The following WIZ variants were observed in gnomAD, a reference collection of about 807,000 sequenced individuals.
WIZ encodes the protein protein Wiz.
WIZ carries 25 observed loss-of-function variants against 140.2 expected under a neutral mutation model. The ratio of observed to expected loss-of-function variants is 0.18; its 90% CI spans 0.13 to 0.25. WIZ has a LOEUF of 0.25. Among genes scored for constraint, WIZ ranks in the 10% least tolerant of loss-of-function variants. The pLI, the probability that WIZ is intolerant of heterozygous loss-of-function variation, is 1.00. For missense variants in WIZ, 2,231 were observed against 2,632.6 expected (o/e 0.85, Z 3.34); for synonymous variants, 1,125 against 1,154.3 (o/e 0.97, Z 0.51).
rs202182536 is a variant in WIZ, at chr19:15,425,620, T to C, written c.4515A>G (p.Thr1505=). 2.2e-4 allele frequency: 360 copies of C among 1,613,424 alleles called. No homozygotes were observed. The African/African-American group carries it at 4.5e-3, about 20-fold the overall frequency. The change falls in exon 10 of 13, where the codon ACA becomes ACG. Residue 1505 remains threonine, a synonymous_variant. Coordinates refer to ENST00000673675, the MANE Select transcript of WIZ (RefSeq NM_001371589.1). ...ACTTCTTCTTGAGGATCTCTCGCAG[T>C]GTGTCGATGGGCGAACCATTGACGG... ...EWSVNGSPID[T]LREILKKKSK...
chr19:15,439,681 C>T lies in WIZ; in HGVS notation c.1313G>A (p.Gly438Asp). The change falls in exon 4 of 13, where the codon GGC becomes GAC. Residue 438 changes from glycine (G) to aspartate (D), a missense_variant. Physicochemically the swap from Gly to Asp is moderately conservative, Grantham distance 94. Coordinates refer to ENST00000673675, the MANE Select transcript of WIZ (RefSeq NM_001371589.1). This position sits in a 1 kb window ranked among gnomAD's most constrained non-coding sequence, Gnocchi z 7.0. ...GCTGGGGCTGCCAGCCCCGCTGCTG[C>T]CTCCAAAAGGCTCTTTGGTGGTCTG... ...PGQTTKEPFG[G>D]SSGAGSPSPE... 1 of 1,502,038 alleles carries T rather than the reference C, an allele frequency of 6.7e-7. No homozygotes were observed. Among genetic ancestry groups the T allele is most frequent in the Admixed American group, 2.3e-5 (1 of 43,794 alleles). 93.0% of individuals were successfully genotyped at this position (1,502,038 alleles called of 1,614,324 possible).
chr19:15,442,850 G>A lies in WIZ; in HGVS notation c.206-102C>T, dbSNP rs1969792118. ...CTGCCAGGTGCCTCAGAAAGGCCCT[G>A]CTGGCTCCCAGTTCCTCTCCCTGAG... On this transcript the variant is annotated intron_variant, in intron 2 of 12. Coordinates refer to ENST00000673675, the MANE Select transcript of WIZ (RefSeq NM_001371589.1). The surrounding 1 kb of genome is among the most constrained non-coding windows in gnomAD (Gnocchi z 5.5). The A allele has an allele frequency of 1.6e-5, 10 of 640,838 alleles. No homozygotes were observed. The South Asian group carries it at 4.0e-4, about 25-fold the overall frequency. 39.7% of individuals were successfully genotyped at this position (640,838 alleles called of 1,614,324 possible).
At position 15,424,932 on chromosome 19, in the gene WIZ, C is replaced by T. The variant is rs1388939971; in HGVS notation, c.4995G>A (p.Glu1665=). The T allele has an allele frequency of 1.6e-5, 25 of 1,610,568 alleles. No homozygotes were observed. Among genetic ancestry groups the T allele is most frequent in the Non-Finnish European group, 2.0e-5 (24 of 1,179,120 alleles). ...CGATGGGCGAGCCATTGACGCACCA[C>T]TCGGTCACGCCGAACTGCCGCAGGT... ...RAHLRQFGVT[E]WCVNGSPIET... is the part of the protein sequence containing the mutation. Residue 1665 remains glutamate (E), a synonymous_variant, in exon 11 of 13, where the codon GAG becomes GAA. Transcript: ENST00000673675. This position sits in a 1 kb window ranked among gnomAD's most constrained non-coding sequence, Gnocchi z 9.7.
Position 15,428,587 on chromosome 19 carries a change from G to A in WIZ, c.3416-79C>T, listed in dbSNP as rs1334606351. On this transcript the variant is annotated intron_variant, in intron 7 of 12. Coordinates refer to ENST00000673675, the MANE Select transcript of WIZ (RefSeq NM_001371589.1). The surrounding 1 kb of genome is among the most constrained non-coding windows in gnomAD (Gnocchi z 6.4). ...GGGGCCTGAGGTAGGAGGGTCTGGT[G>A]TGATTTTTGGCTGCTCAGGCAGTTG... 1.3e-6 allele frequency: 2 copies of A among 1,521,662 alleles called. No individual in the cohort carries two copies. Among genetic ancestry groups the A allele is most frequent in the African/African-American group, 2.8e-5 (2 of 72,592 alleles). 94.3% of individuals were successfully genotyped at this position (1,521,662 alleles called of 1,614,324 possible).
In WIZ at chr19:15,431,186, T is replaced by TG. The variant is rs1317409838; in HGVS notation, c.2741-5dup. The TG allele has an allele frequency of 3.1e-5, 47 of 1,511,892 alleles. No individual in the cohort carries two copies. The highest frequency in any genetic ancestry group is 4.2e-5 in the Non-Finnish European group (47 of 1,131,650). 93.7% of individuals were successfully genotyped at this position (1,511,892 alleles called of 1,614,324 possible). Reference sequence around the variant, plus strand: ...GCGTTTTCCTCAGAACCCAGGCCTGTGGGTTGGGGAGACAGGCTCAGCCCA... The same window carrying TG: ...GCGTTTTCCTCAGAACCCAGGCCTGTGGGGTTGGGGAGACAGGCTCAGCCCA... On this transcript the variant is annotated splice_region_variant and splice_polypyrimidine_tract_variant and intron_variant, in intron 5 of 12. Coordinates refer to ENST00000673675, the MANE Select transcript of WIZ (RefSeq NM_001371589.1).
rs935495287 is a variant in WIZ at position 15,420,068 on chromosome 19, A to C, written c.*3008T>G. On this transcript the variant is annotated 3_prime_UTR_variant, in exon 13 of 13. Coordinates refer to ENST00000673675, the MANE Select transcript of WIZ (RefSeq NM_001371589.1). ...ATAGTGGCATTTACAACGTTGAGAG[A>C]AACATACTGAAATACTAAGAAGTTA... 8 of 152,224 alleles carry C rather than the reference A, an allele frequency of 5.3e-5. No individual in the cohort carries two copies. Among genetic ancestry groups the C allele is most frequent in the Non-Finnish European group, 1.0e-4 (7 of 68,044 alleles). The allele number at this position is 152,224 out of a possible 1,614,324, so 9.4% of individuals were successfully genotyped here. A position where few individuals can be genotyped will look rare whatever the true frequency, so the allele number is the denominator to read the frequency against.
At position 15,420,454 on chromosome 19, in the gene WIZ, T is replaced by C. The variant is rs1968326997; in HGVS notation, c.*2622A>G. On this transcript the variant is annotated 3_prime_UTR_variant, in exon 13 of 13. Coordinates refer to ENST00000673675, the MANE Select transcript of WIZ (RefSeq NM_001371589.1). ...CCCATCAGCCTCAGGGATGCCTGCC[T>C]GTCTTCCAAACCAAGGCAGGGCCCC... 1 of 152,212 alleles carries C rather than the reference T, an allele frequency of 6.6e-6. No individual in the cohort carries two copies. Among genetic ancestry groups the C allele is most frequent in the Non-Finnish European group, 1.5e-5 (1 of 68,028 alleles). The allele number at this position is 152,212 out of a possible 1,614,324, so 9.4% of individuals were successfully genotyped here.
At chr19:15,423,415 A>G (rs544133702) in intron 12 of WIZ, among the ~76,000 whole-genome samples, 180 bp from the exon 13 acceptor site, 1 of 152,218 alleles carries the variant, frequency 6.6e-6, no homozygotes, top group East Asian at 1.9e-4. Context: ...TCCACTCACC[A>G]TGGGGTCATG....
chr19:15,429,510 C>T, intron 7 of WIZ, 76 bp downstream of exon 7: 1 of 1,286,330 alleles, frequency 7.8e-7, no homozygotes, highest in South Asian at 2.6e-5. Context: ...GGCCCTGTCC[C>T]TGGGCTACAG....
intron 4 of WIZ, 101 bp from the exon 5 acceptor site, chr19:15,437,230 C>G: frequency 8.5e-7 from 1 of 1,173,186 alleles, no homozygotes. Flanking sequence ...GCCTTTCTTC[C>G]CCGTGGCTGT....
Position 15,428,828 on chromosome 19 carries a change from G to A in WIZ, c.3416-320C>T, listed in dbSNP as rs751493311. 5.3e-5 allele frequency among the ~76,000 whole-genome samples: 8 copies of A among 152,138 alleles called. No individual in the cohort carries two copies. The highest frequency in any genetic ancestry group is 8.8e-5 in the Non-Finnish European group (6 of 68,014). On this transcript the variant is annotated intron_variant, in intron 7 of 12. Transcript: ENST00000673675. This position sits in a 1 kb window ranked among gnomAD's most constrained non-coding sequence, Gnocchi z 6.4. ...ATTTGGGGGCGATGGTGGCTGCTGG[G>A]CTCACGCAGCCAAGGGCACACCTGC...
rs751982827 is a variant in WIZ at position 15,427,288 on chromosome 19, C to T, written c.4060G>A (p.Gly1354Ser). ...TCCAGTGAGCTGCCAGGACCTGCGC[C>T]GCCCATCATCTTGGCCAGGGCTTTT... ...SPKALAKMMG[G>S]AGPGSSLEAR... is the part of the protein sequence containing the mutation. The change falls in exon 9 of 13, where the codon GGC (glycine) becomes AGC (serine). Residue 1354 changes from glycine (G) to serine (S), a missense_variant. Gly to Ser is a moderately conservative substitution (Grantham distance 56). Around this residue, in one of 15 missense-constraint regions of WIZ, gnomAD observed 393 missense variants for 451.7 expected, o/e 0.87. Coordinates refer to ENST00000673675, the MANE Select transcript of WIZ (RefSeq NM_001371589.1). The surrounding 1 kb of genome is among the most constrained non-coding windows in gnomAD (Gnocchi z 6.4). The T allele has an allele frequency of 2.5e-5, 41 of 1,613,526 alleles. No individual in the cohort carries two copies. The highest frequency in any genetic ancestry group is 1.7e-4 in the Middle Eastern group (1 of 5,928).
intron 5 of WIZ, among the ~76,000 whole-genome samples, chr19:15,432,151 CCGCACCGGA>C (rs1483908242): frequency 5.3e-5 from 8 of 152,192 alleles, no homozygotes; most frequent in Non-Finnish European, 7.4e-5. Context: ...AAGTGAGTTT[CCGCACCGGA>C]CGGACCGGAA....
In WIZ at chr19:15,424,745, C is replaced by T. The variant is rs760221805; in HGVS notation, c.5182G>A (p.Val1728Met). 1.2e-5 allele frequency: 19 copies of T among 1,569,906 alleles called. No homozygotes were observed. The highest frequency in any genetic ancestry group is 4.1e-5 in the African/African-American group (3 of 74,020). The change falls in exon 11 of 13, where the codon GTG becomes ATG. Residue 1728 changes from valine to methionine, a missense_variant. Transcript: ENST00000673675. The surrounding 1 kb of genome is among the most constrained non-coding windows in gnomAD (Gnocchi z 9.7). ...SLGLAPGGLA[V>M]VGRSAGGEPG... Reference sequence around the variant, plus strand: ...TCCCCTCCGGCACTGCGGCCGACCACGGCCAGGCCCCCGGGTGCCAGCCCC... The same window carrying T: ...TCCCCTCCGGCACTGCGGCCGACCATGGCCAGGCCCCCGGGTGCCAGCCCC...
chr19:15,438,849 G>C lies in WIZ; in HGVS notation c.2145C>G (p.His715Gln). ...QPEELGLAGA[H>Q]PLDFLLLDAP... is the part of the protein sequence containing the mutation. ...CGTCCAGGAGCAGGAAGTCCAGGGGGTGGGCGCCTGCCAGCCCCAGCTCCT... is the reference window on the plus strand; with the variant it reads ...CGTCCAGGAGCAGGAAGTCCAGGGGCTGGGCGCCTGCCAGCCCCAGCTCCT... Residue 715 changes from histidine to glutamine, a missense_variant, in exon 4 of 13, where the codon CAC becomes CAG. Around this residue, in one of 15 missense-constraint regions of WIZ, gnomAD observed 475 missense variants for 520.2 expected, o/e 0.91. Coordinates refer to ENST00000673675, the MANE Select transcript of WIZ (RefSeq NM_001371589.1). 4 of 1,477,604 alleles carry C rather than the reference G, an allele frequency of 2.7e-6. No homozygotes were observed. Among genetic ancestry groups the C allele is most frequent in the Non-Finnish European group, 3.6e-6 (4 of 1,112,854 alleles). The allele number at this position is 1,477,604 out of a possible 1,614,324, so 91.5% of individuals were successfully genotyped here.
Position 15,425,437 on chromosome 19 carries a change from GGCCGGCCC to G in WIZ, c.4690_4697del (p.Gly1564ProfsTer5), listed in dbSNP as rs1424461041. 6.4e-7 allele frequency: 1 copy of G among 1,568,808 alleles called. No individual in the cohort carries two copies. The highest frequency in any genetic ancestry group is 1.4e-5 in the African/African-American group (1 of 73,804). On this transcript the variant is annotated frameshift_variant, in exon 10 of 13. Coordinates refer to ENST00000673675, the MANE Select transcript of WIZ (RefSeq NM_001371589.1). LOFTEE classifies it high-confidence loss of function. ...TCAGGCTGAGCTCACGAGGAACCTG[GGCCGGCCC>G]TGCACCTGGTTTGCCTGGCCGGCCA...
chr19:15,432,343 C>T (rs1158909387), intron 5 of WIZ: 7 of 768,470 alleles, frequency 9.1e-6, no homozygotes, highest in African/African-American at 1.9e-5. Flanking sequence ...GGGGGTCCCG[C>T]AGACTGGACG....
chr19:15,443,910 C>A (rs1969827695), intron 2 of WIZ, among the ~76,000 whole-genome samples: 1 of 152,182 alleles, frequency 6.6e-6, no homozygotes, highest in South Asian at 2.1e-4. Context: ...ACCCCCTCCC[C>A]ACCAACACAG....
intron 2 of WIZ, 121 bp downstream of exon 2, chr19:15,447,982 C>G: frequency 3.4e-6 from 4 of 1,174,636 alleles, no homozygotes. Context: ...AGAAAAGGCT[C>G]TGGACCCAAG....
Sources: gnomAD v4.1 joint callset for allele counts (sites outside exome capture counted in the v4.1 genomes callset) on GRCh38, gnomAD v4.1.1 for gene constraint, gnomAD v4.1.1 regional missense constraint, Gnocchi (gnomAD v3.1) non-coding constraint, MANE v1.5 for transcripts, NCBI Gene and HGNC (gene_info 2026-07-23, HGNC 2026-07-21) for gene names.